ICOS: variants seen among roughly 807,000 people sequenced by gnomAD.
ICOS encodes the protein inducible T-cell costimulator.
ICOS carries 15 observed loss-of-function variants against 24.6 expected under a neutral mutation model. The observed-to-expected ratio is 0.61, with a 90% CI of 0.41 to 0.94. ICOS has a LOEUF of 0.94. ICOS is among the 40% of genes least tolerant of loss of function. The probability of loss-of-function intolerance (pLI) is 0.00; values close to 1 mark genes in which losing one functional copy is unlikely to be tolerated. For synonymous variants in ICOS, 89 were observed against 77.5 expected (o/e 1.15, Z -0.78); for missense variants, 200 against 233.0 (o/e 0.86, Z 0.92).
intron 1 of ICOS, among the ~76,000 whole-genome samples, chr2:203,941,283 T>C (rs569683102): frequency 6.6e-6 from 1 of 152,314 alleles, no homozygotes; most frequent in Non-Finnish European, 1.5e-5. Flanking sequence ...CCTTATTTTT[T>C]CATCATTTGT....
At chr2:203,940,991 AG>A (rs1280653829) in intron 1 of ICOS, among the ~76,000 whole-genome samples, 2 of 152,078 alleles carry the variant, frequency 1.3e-5, no homozygotes, top group African/African-American at 4.8e-5. Flanking sequence ...TCACCGTGTT[AG>A]CCAGGATGGT....
At chr2:203,948,576 A>G (rs2105749436) in intron 1 of ICOS, among the ~76,000 whole-genome samples, 1 of 152,326 alleles carries the variant, frequency 6.6e-6, no homozygotes, top group East Asian at 1.9e-4. Flanking sequence ...GATACTTGGG[A>G]TGGATTTGTG....
At position 203,957,883 on chromosome 2, in the gene ICOS, G is replaced by T; in HGVS notation, c.586G>T (p.Asp196Tyr). 1 of 1,587,190 alleles carries T rather than the reference G, an allele frequency of 6.3e-7. No homozygotes were observed. The highest frequency in any genetic ancestry group is 1.7e-4 in the Middle Eastern group (1 of 6,006). ...VNTAKKSRLT[D>Y]VTL ...CACAGCCAAAAAATCTAGACTCACA[G>T]GTATGACTCCATTTGGGGGTTTGGG... Residue 196 changes from aspartate (D) to tyrosine (Y), a missense_variant and splice_region_variant, in exon 4 of 5, where the codon GAT (aspartate) becomes TAT (tyrosine). Transcript: ENST00000316386.
chr2:203,941,593 A>G (rs1689776890), intron 1 of ICOS, among the ~76,000 whole-genome samples: 2 of 152,218 alleles, frequency 1.3e-5, no homozygotes, highest in African/African-American at 4.8e-5. Flanking sequence ...TGGGCTTTGC[A>G]AATTTTTAAA....
chr2:203,940,586 C>T (rs1242161938), intron 1 of ICOS, among the ~76,000 whole-genome samples: 5 of 151,700 alleles, frequency 3.3e-5, no homozygotes. Flanking sequence ...TTAGTGGTTG[C>T]AGATATTCCT....
intron 1 of ICOS, 84 bp downstream of exon 1, chr2:203,936,956 C>A: frequency 4.9e-6 from 5 of 1,022,960 alleles, no homozygotes; most frequent in South Asian, 2.6e-5. Flanking sequence ...ATTACGCACC[C>A]AAAAGACAGT....
intron 1 of ICOS, among the ~76,000 whole-genome samples, chr2:203,943,325 A>ATT (rs71007563): frequency 1.9e-4 from 29 of 149,542 alleles, no homozygotes; most frequent in South Asian, 8.4e-4. Flanking sequence ...TGTTCTTCAG[A>ATT]TTTTTTTTTT....
chr2:203,939,861 A>T (rs78465484), intron 1 of ICOS, among the ~76,000 whole-genome samples: 5,141 of 152,316 alleles, frequency 0.034, 107 homozygotes, highest in Middle Eastern at 0.058. Context: ...TTTAACAAAA[A>T]TCCCAGTTGT....
Position 203,956,675 on chromosome 2 carries a change from C to T in ICOS, c.411C>T (p.Cys137=), listed in dbSNP as rs1260496726. The change falls in exon 3 of 5, where the codon TGC becomes TGT. Residue 137 remains cysteine, a synonymous_variant. Transcript: ENST00000316386. ...CCAATCCAGAATCACAACTTTGTTG[C>T]CAGCTGAAGTTCTGGTTACCCATAG... ...YLHIYESQLC[C]QLKFWLPIGC... is the part of the protein sequence containing the mutation. The T allele has an allele frequency of 1.6e-5, 26 of 1,612,656 alleles. No homozygotes were observed. The highest frequency in any genetic ancestry group is 2.2e-5 in the Non-Finnish European group (26 of 1,178,908).
chr2:203,949,066 A>G (rs1415902707), intron 1 of ICOS, among the ~76,000 whole-genome samples: 1 of 152,198 alleles, frequency 6.6e-6, no homozygotes, highest in Non-Finnish European at 1.5e-5. Context: ...TGCATGTAAG[A>G]AGGTCATTCT....
At chr2:203,943,408 G>C (rs1343478341) in intron 1 of ICOS, among the ~76,000 whole-genome samples, 4 of 151,856 alleles carry the variant, frequency 2.6e-5, no homozygotes, top group African/African-American at 9.7e-5. Flanking sequence ...GAGCCAAACT[G>C]CAGTGATTGT....
chr2:203,944,316 T>C (rs2105746974), intron 1 of ICOS, among the ~76,000 whole-genome samples: 1 of 152,306 alleles, frequency 6.6e-6, no homozygotes, highest in Non-Finnish European at 1.5e-5. Context: ...TCCCAGAGCC[T>C]TTCTGCAGCT....
chr2:203,960,208 A>G lies in ICOS; in HGVS notation c.*609A>G, dbSNP rs1366402690. On this transcript the variant is annotated 3_prime_UTR_variant, in exon 5 of 5. Coordinates refer to ENST00000316386, the MANE Select transcript of ICOS (RefSeq NM_012092.4). ...ACTTTAGATGCTTTCTTGTGCCCTC[A>G]ATTTTCTTTTTAAAAATACTTCTAC... 1 of 160,808 alleles carries G rather than the reference A, an allele frequency of 6.2e-6. No homozygotes were observed. Among genetic ancestry groups the G allele is most frequent in the Admixed American group, 5.7e-5 (1 of 17,590 alleles). 10.0% of individuals were successfully genotyped at this position (160,808 alleles called of 1,614,324 possible).
rs1201403967 is a variant in ICOS at position 203,940,918 on chromosome 2, A to G, written c.58+4046A>G. ...CCTGCCTCAGCCTCCCAAGTAGGTG[A>G]GACTACAGGCACCCGCCACCACGCC... On this transcript the variant is annotated intron_variant, in intron 1 of 4. Transcript: ENST00000316386. Among the ~76,000 whole-genome samples, 4 of 151,838 alleles carry G rather than the reference A, an allele frequency of 2.6e-5. No individual in the cohort carries two copies. The East Asian group carries it at 7.7e-4, about 29-fold the overall frequency.
chr2:203,946,050 T>A (rs1689861971), intron 1 of ICOS, among the ~76,000 whole-genome samples: 1 of 152,132 alleles, frequency 6.6e-6, no homozygotes, highest in South Asian at 2.1e-4. Context: ...AAATCCTCTC[T>A]CCCTCCCACT....
At chr2:203,943,177 T>C in intron 1 of ICOS, among the ~76,000 whole-genome samples, 1 of 152,202 alleles carries the variant, frequency 6.6e-6, no homozygotes, top group Non-Finnish European at 1.5e-5. Context: ...TCTTCTTGGT[T>C]TGGATCCATT....
chr2:203,955,188 A>G (rs1011876894), intron 1 of ICOS, among the ~76,000 whole-genome samples: 2 of 152,066 alleles, frequency 1.3e-5, no homozygotes, highest in Non-Finnish European at 2.9e-5. Context: ...TCACTTCCTC[A>G]AGGCGGCATT....
chr2:203,958,038 C>A (rs889715268), intron 4 of ICOS, 155 bp downstream of exon 4: 1 of 608,182 alleles, frequency 1.6e-6, no homozygotes, highest in African/African-American at 1.9e-5. Flanking sequence ...TCACTTTTAA[C>A]TAGATTTATA....
At position 203,959,998 on chromosome 2, in the gene ICOS, G is replaced by A. The variant is rs760083763; in HGVS notation, c.*399G>A. ...AATGAGCAGCCAAGGACCAGCATCT[G>A]TCCGCATTTCACTATCATACTACCT... On this transcript the variant is annotated 3_prime_UTR_variant, in exon 5 of 5. Coordinates refer to ENST00000316386, the MANE Select transcript of ICOS (RefSeq NM_012092.4). 75 of 338,516 alleles carry A rather than the reference G, an allele frequency of 2.2e-4. No individual in the cohort carries two copies. Among genetic ancestry groups the A allele is most frequent in the Non-Finnish European group, 3.7e-4 (65 of 173,816 alleles). The allele number at this position is 338,516 out of a possible 1,614,324, so 21.0% of individuals were successfully genotyped here.
Sources: gnomAD v4.1 joint callset for allele counts (sites outside exome capture counted in the v4.1 genomes callset) on GRCh38, gnomAD v4.1.1 for gene constraint, MANE v1.5 for transcripts, NCBI Gene and HGNC (gene_info 2026-07-23, HGNC 2026-07-21) for gene names.